The following C8orf34 variants were observed in gnomAD, a reference collection of about 807,000 sequenced individuals.
C8orf34 encodes chromosome 8 open reading frame 34.
Under a neutral mutation model 68.3 loss-of-function variants are expected in C8orf34, and 65 were observed. The observed-to-expected ratio is 0.95, with a 90% CI of 0.78 to 1.17. The LOEUF is 1.17. Ranked by LOEUF, C8orf34 falls within the 50% of genes most tolerant of loss-of-function variation. The pLI is 0.00. For synonymous variants in C8orf34, 244 were observed against 241.2 expected (o/e 1.01, Z -0.11); for missense variants, 664 against 655.4 (o/e 1.01, Z -0.14).
At chr8:68,514,317 G>C (rs1814411993) in intron 5 of C8orf34, among the ~76,000 whole-genome samples, 2 of 152,226 alleles carry the variant, frequency 1.3e-5, no homozygotes, top group South Asian at 2.1e-4. Flanking sequence ...GCTGGTTGAG[G>C]TTTCTCTAAG....
intron 7 of C8orf34, among the ~76,000 whole-genome samples, chr8:68,626,617 A>C (rs973144143): frequency 6.6e-6 from 1 of 152,218 alleles, no homozygotes; most frequent in African/African-American, 2.4e-5. Flanking sequence ...TCAAAATATC[A>C]TCAACTATGA....
chr8:68,623,820 A>G (rs1051252014), intron 7 of C8orf34, among the ~76,000 whole-genome samples: 10 of 151,890 alleles, frequency 6.6e-5, no homozygotes, highest in Admixed American at 3.3e-4. Context: ...CACATGACCT[A>G]ATTATTCCCA....
chr8:68,539,405 T>A (rs950009165), intron 7 of C8orf34, among the ~76,000 whole-genome samples: 7 of 152,194 alleles, frequency 4.6e-5, no homozygotes, highest in African/African-American at 1.7e-4. Context: ...TGGTTGCATT[T>A]TAACATCAAA....
intron 10 of C8orf34, among the ~76,000 whole-genome samples, chr8:68,772,606 G>A (rs972345416): frequency 3.3e-5 from 5 of 151,870 alleles, no homozygotes; most frequent in African/African-American, 9.7e-5. Context: ...TCTCAACTGC[G>A]GTTATATTAA....
At chr8:68,675,507 T>C (rs1261639602) in intron 8 of C8orf34, among the ~76,000 whole-genome samples, 1 of 151,778 alleles carries the variant, frequency 6.6e-6, no homozygotes, top group Non-Finnish European at 1.5e-5. Context: ...CAGTGTCAAA[T>C]TGTCGAAAGT....
intron 7 of C8orf34, among the ~76,000 whole-genome samples, chr8:68,608,121 GA>G (rs11312803): frequency 0.3 from 44,521 of 150,404 alleles, 8,300 homozygotes; most frequent in African/African-American, 0.55. Flanking sequence ...ACCAAATGCA[GA>G]AAAAAAAACA....
At chr8:68,808,478 G>C (rs1335783841) in intron 12 of C8orf34, among the ~76,000 whole-genome samples, 1 of 151,722 alleles carries the variant, frequency 6.6e-6, no homozygotes, top group Non-Finnish European at 1.5e-5. Context: ...TTTATGAAAA[G>C]AGCGTCAATG....
chr8:68,525,479 C>T, intron 6 of C8orf34: 3 of 609,898 alleles, frequency 4.9e-6, no homozygotes, highest in Non-Finnish European at 8.6e-6. Flanking sequence ...TTTTGGTTTC[C>T]CTCTGAGGCA....
intron 3 of C8orf34, among the ~76,000 whole-genome samples, chr8:68,453,167 T>C (rs1257251331): frequency 6.6e-6 from 1 of 152,034 alleles, no homozygotes; most frequent in East Asian, 1.9e-4. Context: ...TTTTGATAAC[T>C]GTAGTTTTGT....
chr8:68,403,579 C>G (rs1007684884), intron 1 of C8orf34, among the ~76,000 whole-genome samples: 4 of 152,072 alleles, frequency 2.6e-5, no homozygotes, highest in African/African-American at 9.7e-5. Context: ...GTTCCCTTCC[C>G]TGTGTCCATG....
rs1823877620 is a variant in C8orf34, at chr8:68,787,506, A to T, written c.1519A>T (p.Ser507Cys). The change falls in exon 12 of 14, where the codon AGT becomes TGT. Residue 507 changes from serine to cysteine, a missense_variant. By Grantham distance (112) the Ser-to-Cys change is moderately radical. Coordinates refer to ENST00000518698, the MANE Select transcript of C8orf34 (RefSeq NM_052958.4). ...QPWILPSDTE[S>C]EGVEAEQEKR... ...ATGGATCTTGCCAAGTGACACAGAAAGTGAAGGAGTGGAAGCAGAACAAGA... is the reference window on the plus strand; with the variant it reads ...ATGGATCTTGCCAAGTGACACAGAATGTGAAGGAGTGGAAGCAGAACAAGA... 2 of 1,612,176 alleles carry T rather than the reference A, an allele frequency of 1.2e-6. No individual in the cohort carries two copies. The highest frequency in any genetic ancestry group is 1.7e-6 in the Non-Finnish European group (2 of 1,178,844).
intron 7 of C8orf34, among the ~76,000 whole-genome samples, chr8:68,572,219 G>A (rs1028754737): frequency 2.1e-5 from 3 of 146,070 alleles, no homozygotes; most frequent in Admixed American, 2.0e-4. Flanking sequence ...TGTGGATGTG[G>A]TGCATGACTG....
chr8:68,393,003 T>A (rs1172925268), intron 1 of C8orf34, among the ~76,000 whole-genome samples: 1 of 152,196 alleles, frequency 6.6e-6, no homozygotes, highest in African/African-American at 2.4e-5. Flanking sequence ...GTGCTGTACT[T>A]CTCACTCATA....
intron 6 of C8orf34, among the ~76,000 whole-genome samples, chr8:68,526,064 C>T (rs1189370709): frequency 5.4e-5 from 8 of 147,786 alleles, no homozygotes; most frequent in Admixed American, 1.4e-4. Context: ...TTCAAGTGAG[C>T]CTCCCACCTT....
At chr8:68,415,218 C>T (rs770124074) in intron 1 of C8orf34, among the ~76,000 whole-genome samples, 7 of 151,986 alleles carry the variant, frequency 4.6e-5, no homozygotes, top group Non-Finnish European at 8.8e-5. Flanking sequence ...CGGTGGGTCA[C>T]GCCTATAATC....
intron 5 of C8orf34, among the ~76,000 whole-genome samples, chr8:68,497,294 T>C (rs4590428): frequency 0.39 from 58,561 of 151,962 alleles, 11,592 homozygotes; most frequent in African/African-American, 0.44. Context: ...TTGCTCAAAA[T>C]GAGATAAATG....
At chr8:68,574,149 A>ATAAT in intron 7 of C8orf34, among the ~76,000 whole-genome samples, 1 of 152,010 alleles carries the variant, frequency 6.6e-6, no homozygotes, top group African/African-American at 2.4e-5. Context: ...TTTGATTTTG[A>ATAAT]CTCAATTTTT....
chr8:68,479,088 G>T (rs1437148063), intron 4 of C8orf34, among the ~76,000 whole-genome samples: 3 of 152,090 alleles, frequency 2.0e-5, no homozygotes, highest in Admixed American at 2.0e-4. Context: ...CAATAGAAGA[G>T]AAAAGATGCA....
At chr8:68,591,460 CAAA>C in intron 7 of C8orf34, among the ~76,000 whole-genome samples, 1 of 152,112 alleles carries the variant, frequency 6.6e-6, no homozygotes, top group African/African-American at 2.4e-5. Context: ...CGTAGTGAGA[CAAA>C]GAAGACAACG....
Sources: allele counts gnomAD v4.1 joint callset (sites outside exome capture counted in the v4.1 genomes callset), GRCh38; gene constraint gnomAD v4.1.1; transcripts MANE v1.5; gene names NCBI Gene and HGNC (gene_info 2026-07-23, HGNC 2026-07-21).